The following FAN1 variants were observed in gnomAD, a reference collection of about 807,000 sequenced individuals.
The protein encoded by FAN1 is FANCD2 and FANCI associated nuclease 1.
In FAN1, 91 loss-of-function variants were observed where a neutral mutation model predicts 104.9. The ratio of observed to expected loss-of-function variants is 0.87; its 90% CI spans 0.73 to 1.03. The LOEUF (loss-of-function observed/expected upper bound fraction) is 1.03, where lower values mean the gene tolerates loss of function less well. Among genes scored for constraint, FAN1 ranks in the 50% least tolerant of loss-of-function variants. The pLI is 0.00. For missense variants in FAN1, 1,263 were observed against 1,239.9 expected, an observed-to-expected ratio of 1.02 and a Z score of -0.28; for synonymous variants, 478 against 457.6, an observed-to-expected ratio of 1.04 and a Z score of -0.57.
Position 30,904,788 on chromosome 15 carries a change from TTGCC to T in FAN1, c.130_133del (p.Cys44ProfsTer12). The T allele has an allele frequency of 6.2e-7, 1 of 1,613,664 alleles. No individual in the cohort carries two copies. Among genetic ancestry groups the T allele is most frequent in the Non-Finnish European group, 8.5e-7 (1 of 1,179,608 alleles). On this transcript the variant is annotated frameshift_variant, in exon 2 of 15. Transcript: ENST00000362065. LOFTEE classifies it high-confidence loss of function. Reference sequence around the variant, plus strand: ...TTTAACAATGCACCACCTGCTAAACTTGCCTGCCCCGTTTGCAGTAAAATGGTGC... The same window carrying T: ...TTTAACAATGCACCACCTGCTAAACTTGCCCCGTTTGCAGTAAAATGGTGC...
chr15:30,910,629 A>G lies in FAN1; in HGVS notation c.1391A>G (p.Glu464Gly). The change falls in exon 4 of 15, where the codon GAA becomes GGA. Residue 464 changes from glutamate (E) to glycine (G), a missense_variant. Physicochemically the swap from Glu to Gly is moderately conservative, Grantham distance 98. Coordinates refer to ENST00000362065, the MANE Select transcript of FAN1 (RefSeq NM_014967.5). ...ACCATTTCAGAATCTGAGTTGCAAG[A>G]ACTCTCTGAAGTGCTTGAACTCCTT... The part of the protein sequence containing the change: ...GFLQTESELQ[E>G]LSEVLELLSA... 2 of 1,580,414 alleles carry G rather than the reference A, an allele frequency of 1.3e-6. No individual in the cohort carries two copies. Among genetic ancestry groups the G allele is most frequent in the Non-Finnish European group, 1.7e-6 (2 of 1,164,078 alleles).
rs115232781 is a variant in FAN1, at chr15:30,912,661, G to A, written c.1578-1197G>A. ...TGGTTTAATAGCTTCTGCACCAGAAGGGTGTGACATCTTTCACTAGCCAAG... is the reference window on the plus strand; with the variant it reads ...TGGTTTAATAGCTTCTGCACCAGAAAGGTGTGACATCTTTCACTAGCCAAG... On this transcript the variant is annotated intron_variant, in intron 4 of 14. Coordinates refer to ENST00000362065, the MANE Select transcript of FAN1 (RefSeq NM_014967.5). 1.5e-3 allele frequency among the ~76,000 whole-genome samples: 222 copies of A among 152,332 alleles called. 1 individual carries two copies. Among genetic ancestry groups the A allele is most frequent in the African/African-American group, 5.1e-3 (214 of 41,574 alleles).
intron 4 of FAN1, among the ~76,000 whole-genome samples, chr15:30,913,310 C>T (rs2062136653): frequency 6.6e-6 from 1 of 152,178 alleles, no homozygotes; most frequent in Non-Finnish European, 1.5e-5. Flanking sequence ...AAACACCTCC[C>T]TCAACCCCAG....
chr15:30,913,424 G>A (rs1371535066), intron 4 of FAN1, among the ~76,000 whole-genome samples: 5 of 152,118 alleles, frequency 3.3e-5, no homozygotes, highest in African/African-American at 1.2e-4. Context: ...TTTGCACCAC[G>A]TCTTGGTACA....
chr15:30,929,869 A>G (rs1156377125), intron 12 of FAN1, among the ~76,000 whole-genome samples: 1 of 94,896 alleles, frequency 1.1e-5, no homozygotes, highest in Non-Finnish European at 1.8e-5. Flanking sequence ...TATAATATAT[A>G]TAAAATATAT....
At chr15:30,911,051 C>A in intron 4 of FAN1, 1 of 1,244,502 alleles carries the variant, frequency 8.0e-7, no homozygotes, top group Non-Finnish European at 1.0e-6. Flanking sequence ...AGGCAATAGG[C>A]CTTTGGTAAA....
intron 8 of FAN1, among the ~76,000 whole-genome samples, chr15:30,924,241 A>G (rs775455239): frequency 2.6e-5 from 4 of 152,066 alleles, no homozygotes; most frequent in African/African-American, 9.7e-5. Context: ...TTTTCTAGCC[A>G]CTCATTGGTT....
At position 30,914,094 on chromosome 15, in the gene FAN1, A is replaced by T; in HGVS notation, c.1811+3A>T. 6.3e-7 allele frequency: 1 copy of T among 1,596,418 alleles called. No individual in the cohort carries two copies. The highest frequency in any genetic ancestry group is 8.6e-7 in the Non-Finnish European group (1 of 1,164,072). On this transcript the variant is annotated splice_donor_region_variant and intron_variant, in intron 5 of 14. Transcript: ENST00000362065. ...CAAGACAGAGATGATCTTATCAGGTAAGATGATGTTAGCTCACTATAATGT... is the reference window on the plus strand; with the variant it reads ...CAAGACAGAGATGATCTTATCAGGTTAGATGATGTTAGCTCACTATAATGT...
rs1400337510 is a variant in FAN1, at chr15:30,929,939, TATA to T, written c.2787+543_2787+545del. Among the ~76,000 whole-genome samples the T allele has an allele frequency of 6.1e-5, 6 of 98,816 alleles. 1 individual carries two copies. Among genetic ancestry groups the T allele is most frequent in the African/African-American group, 3.1e-4 (6 of 19,160 alleles). The allele number at this position is 98,816 out of a possible 152,430, so 64.8% of individuals were successfully genotyped here. On this transcript the variant is annotated intron_variant, in intron 12 of 14. Transcript: ENST00000362065. ...TATATATCATATATAATATATAAAA[TATA>T]TAATATAATATATATCATATAATAT...
At chr15:30,935,831 G>A (rs997786660) in intron 13 of FAN1, among the ~76,000 whole-genome samples, 1 of 152,142 alleles carries the variant, frequency 6.6e-6, no homozygotes, top group Non-Finnish European at 1.5e-5. Flanking sequence ...TTTCCAATCA[G>A]AGAATCTTTT....
At chr15:30,927,155 G>A (rs917900885) in intron 10 of FAN1, 3 of 937,750 alleles carry the variant, frequency 3.2e-6, no homozygotes, top group Non-Finnish European at 3.8e-6. Context: ...GCTGCAGTGA[G>A]CCAAGATTGT....
At chr15:30,929,815 T>C (rs1403698542) in intron 12 of FAN1, among the ~76,000 whole-genome samples, 1 of 54,258 alleles carries the variant, frequency 1.8e-5, no homozygotes, top group Non-Finnish European at 2.8e-5. Context: ...AAATATATAA[T>C]ATATTATATC....
chr15:30,939,826 T>C (rs1334537436), intron 14 of FAN1: 1 of 985,140 alleles, frequency 1.0e-6, no homozygotes, highest in Admixed American at 6.1e-5. Flanking sequence ...AATCAAGGAC[T>C]GTAAAATGTT....
At chr15:30,938,793 G>T in intron 14 of FAN1, 1 of 491,126 alleles carries the variant, frequency 2.0e-6, no homozygotes, top group Non-Finnish European at 2.6e-6. Context: ...CCGAATTGCT[G>T]TTAAAAAAAG....
chr15:30,907,433 G>A (rs2062005887), intron 2 of FAN1, among the ~76,000 whole-genome samples: 1 of 152,004 alleles, frequency 6.6e-6, no homozygotes, highest in Admixed American at 6.6e-5. Context: ...CAGGAGAATG[G>A]CATGAACCCA....
rs1475082809 is a variant in FAN1 at position 30,941,850 on chromosome 15, T to C, written c.*288T>C. On this transcript the variant is annotated 3_prime_UTR_variant, in exon 15 of 15. Coordinates refer to ENST00000362065, the MANE Select transcript of FAN1 (RefSeq NM_014967.5). ...CACAGTTTCCACAGTTTTATGTGTG[T>C]TCCAGAGACACGTGGCAGAATAACA... 6.2e-7 allele frequency: 1 copy of C among 1,614,040 alleles called. No individual in the cohort carries two copies. Among genetic ancestry groups the C allele is most frequent in the Admixed American group, 1.7e-5 (1 of 60,024 alleles).
intron 7 of FAN1, among the ~76,000 whole-genome samples, chr15:30,921,883 G>A (rs956502031): frequency 3.3e-5 from 5 of 152,202 alleles, no homozygotes; most frequent in Non-Finnish European, 5.9e-5. Context: ...GTTCCCAGAA[G>A]TATGTGGGTT....
At chr15:30,930,738 T>G (rs2062688670) in intron 13 of FAN1, 67 bp downstream of exon 13, 2 of 1,572,344 alleles carry the variant, frequency 1.3e-6, no homozygotes, top group African/African-American at 2.7e-5. Flanking sequence ...AGGCCACAAG[T>G]AGGCATTTCT....
At chr15:30,938,100 C>T (rs1001913823) in intron 14 of FAN1, among the ~76,000 whole-genome samples, 11 of 151,660 alleles carry the variant, frequency 7.3e-5, no homozygotes, top group Admixed American at 7.2e-4. Flanking sequence ...AGGAGGATGG[C>T]GTGAACCCGG....
Sources: gnomAD v4.1 joint callset for allele counts (sites outside exome capture counted in the v4.1 genomes callset) on GRCh38, gnomAD v4.1.1 for gene constraint, MANE v1.5 for transcripts, NCBI Gene and HGNC (gene_info 2026-07-23, HGNC 2026-07-21) for gene names.